Variants in DPT observed in about 807,000 individuals in gnomAD.
DPT encodes tyrosine-rich acidic matrix protein.
Under a neutral mutation model 31.2 loss-of-function variants are expected in DPT, and 21 were observed. That is an observed-to-expected ratio of 0.67 (90% confidence interval 0.48 to 0.97). The LOEUF is 0.97. DPT is among the 50% of genes least tolerant of loss of function. The pLI is 0.00. For synonymous variants in DPT, 91 were observed against 86.9 expected, an observed-to-expected ratio of 1.05 and a Z score of -0.26; for missense variants, 262 against 258.8, an observed-to-expected ratio of 1.01 and a Z score of -0.08.
intron 1 of DPT, among the ~76,000 whole-genome samples, chr1:168,727,817 G>A (rs925144136): frequency 1.3e-5 from 2 of 152,106 alleles, no homozygotes; most frequent in East Asian, 1.9e-4. Flanking sequence ...GGGATTACAG[G>A]CGTGAGCCAC....
At chr1:168,725,024 C>A (rs1481303210) in intron 1 of DPT, among the ~76,000 whole-genome samples, 2 of 152,194 alleles carry the variant, frequency 1.3e-5, no homozygotes, top group Admixed American at 1.3e-4. Flanking sequence ...TGCCCAACAT[C>A]AGCCACATCA....
chr1:168,702,463 C>G (rs936176223), intron 2 of DPT, among the ~76,000 whole-genome samples: 11 of 152,180 alleles, frequency 7.2e-5, no homozygotes, highest in Non-Finnish European at 1.2e-4. Flanking sequence ...TAATTATGCT[C>G]TATCAGGATG....
chr1:168,725,215 A>ATTCCATTCCTTTCCTTTCCTTTCCT (rs1650211491), intron 1 of DPT, among the ~76,000 whole-genome samples: 1 of 110,716 alleles, frequency 9.0e-6, no homozygotes, highest in Non-Finnish European at 1.8e-5. Context: ...TTTCCTTTCC[A>ATTCCATTCCTTTCCTTTCCTTTCCT]TTCCTTTCCT....
chr1:168,701,821 A>G (rs12746351), intron 2 of DPT, among the ~76,000 whole-genome samples: 4,362 of 152,338 alleles, frequency 0.029, 95 homozygotes, highest in African/African-American at 0.045. Flanking sequence ...AAGTCAATGA[A>G]TCTGTTTTCT....
Position 168,701,050 on chromosome 1 carries a change from C to T in DPT, c.506G>A (p.Arg169Gln), listed in dbSNP as rs770575918. The change falls in exon 3 of 4, where the codon CGA becomes CAA. Residue 169 changes from arginine (R) to glutamine (Q), a missense_variant. By Grantham distance (43) the Arg-to-Gln change is conservative. Coordinates refer to ENST00000367817, the MANE Select transcript of DPT (RefSeq NM_001937.5). ...TGCAGAGAAAGTGGTTGTTGCTCCT[C>T]GGATATAGTAATCATAATTGTAGGA... ...MISYNYDYYI[R>Q]GATTTFSAVE... The T allele has an allele frequency of 9.3e-6, 15 of 1,613,780 alleles. No individual in the cohort carries two copies. Among genetic ancestry groups the T allele is most frequent in the South Asian group, 4.4e-5 (4 of 91,044 alleles).
At chr1:168,706,251 G>T (rs1023411072) in intron 2 of DPT, among the ~76,000 whole-genome samples, 2 of 152,128 alleles carry the variant, frequency 1.3e-5, no homozygotes, top group Non-Finnish European at 2.9e-5. Context: ...TGCGGATTTG[G>T]TGTGTTGAGG....
intron 2 of DPT, among the ~76,000 whole-genome samples, chr1:168,702,076 CTTTGCCA>C (rs1453439958): frequency 1.3e-5 from 2 of 152,216 alleles, no homozygotes; most frequent in Non-Finnish European, 2.9e-5. Context: ...CTCATAAGGG[CTTTGCCA>C]CTGGAACCTT....
At chr1:168,714,097 T>C in intron 2 of DPT, 124 bp downstream of exon 2, 5 of 1,284,510 alleles carry the variant, frequency 3.9e-6, no homozygotes, top group East Asian at 5.0e-5. Context: ...TTCATTCTTG[T>C]CTATATGCCA....
At chr1:168,708,349 A>G (rs1412602389) in intron 2 of DPT, among the ~76,000 whole-genome samples, 1 of 152,136 alleles carries the variant, frequency 6.6e-6, no homozygotes, top group East Asian at 1.9e-4. Context: ...GGGATGATAG[A>G]TTTTGCTCAA....
Position 168,716,449 on chromosome 1 carries a change from T to C in DPT, c.306-2103A>G, listed in dbSNP as rs147857765. Among the ~76,000 whole-genome samples the C allele has an allele frequency of 7.4e-3, 1,131 of 152,092 alleles. 15 individuals carry two copies. Among genetic ancestry groups the C allele is most frequent in the African/African-American group, 0.025 (1,057 of 41,494 alleles). ...GGGCTCAGTAATGCAGGTTAAGGTG[T>C]AAATTGAGACCTATGGCTCTTTGAT... On this transcript the variant is annotated intron_variant, in intron 1 of 3. Coordinates refer to ENST00000367817, the MANE Select transcript of DPT (RefSeq NM_001937.5).
chr1:168,702,192 A>G (rs1391718441), intron 2 of DPT, among the ~76,000 whole-genome samples: 1 of 152,194 alleles, frequency 6.6e-6, no homozygotes, highest in Non-Finnish European at 1.5e-5. Context: ...GAGTGTCAAT[A>G]ATTTCATCTG....
rs199575275 is a variant in DPT at position 168,696,500 on chromosome 1, T to C, written c.*49A>G. 5 of 1,463,226 alleles carry C rather than the reference T, an allele frequency of 3.4e-6. No individual in the cohort carries two copies. The highest frequency in any genetic ancestry group is 1.2e-5 in the South Asian group (1 of 84,908). The allele number at this position is 1,463,226 out of a possible 1,614,324, so 90.6% of individuals were successfully genotyped here. A position where few individuals can be genotyped will look rare whatever the true frequency, so the allele number is the denominator to read the frequency against. ...CTGATGTTAACATATGTGGACACCC[T>C]CCTGTCCCCGGCCCCTTTCCTTTCA... is the stretch of plus-strand genomic sequence containing the variant. On this transcript the variant is annotated 3_prime_UTR_variant, in exon 4 of 4. Coordinates refer to ENST00000367817, the MANE Select transcript of DPT (RefSeq NM_001937.5).
chr1:168,725,254 T>TTTCCTTTCCTTTCCTTTC (rs1557852197), intron 1 of DPT, among the ~76,000 whole-genome samples: 31 of 33,844 alleles, frequency 9.2e-4, no homozygotes, highest in South Asian at 2.5e-3. Flanking sequence ...CTTTCCTTTC[T>TTTCCTTTCCTTTCCTTTC]CTTTCCCTTC....
chr1:168,699,396 A>C (rs906175000), intron 3 of DPT, among the ~76,000 whole-genome samples: 16 of 152,100 alleles, frequency 1.1e-4, no homozygotes, highest in African/African-American at 3.6e-4. Flanking sequence ...GTTTCATTCT[A>C]AGTAGTATAT....
chr1:168,728,771 C>A, intron 1 of DPT, 99 bp downstream of exon 1: 1 of 1,466,392 alleles, frequency 6.8e-7, no homozygotes. Flanking sequence ...TTTGCCCAGG[C>A]TTTGGTTACT....
rs1374819336 is a variant in DPT, at chr1:168,696,354, G to A, written c.*195C>T. On this transcript the variant is annotated 3_prime_UTR_variant, in exon 4 of 4. Transcript: ENST00000367817. Reference sequence around the variant, plus strand: ...AAACATGTGAAAAGTGAGAAACATGGTTTAATTGTGGATTTTATTAGAAGT... The same window carrying A: ...AAACATGTGAAAAGTGAGAAACATGATTTAATTGTGGATTTTATTAGAAGT... The A allele has an allele frequency of 6.8e-6, 4 of 589,748 alleles. No homozygotes were observed. Among genetic ancestry groups the A allele is most frequent in the Non-Finnish European group, 9.0e-6 (3 of 333,826 alleles). 36.5% of individuals were successfully genotyped at this position (589,748 alleles called of 1,614,324 possible).
rs1175580242 is a variant in DPT at position 168,729,056 on chromosome 1, T to G, written c.119A>C (p.Asn40Thr). The change falls in exon 1 of 4, where the codon AAT becomes ACT. Residue 40 changes from asparagine to threonine, a missense_variant. Physicochemically the swap from Asn to Thr is moderately conservative, Grantham distance 65. Coordinates refer to ENST00000367817, the MANE Select transcript of DPT (RefSeq NM_001937.5). Reference protein sequence around the residue: ...YHDYSDDGWVNLNRQGFSYQC... With the variant: ...YHDYSDDGWVTLNRQGFSYQC... ...GTAGCTGAAGCCTTGCCGGTTCAAA[T>G]TCACCCACCCATCATCGCTGTAGTC... 4.3e-6 allele frequency: 7 copies of G among 1,614,100 alleles called. No individual in the cohort carries two copies. In the Admixed American group the frequency reaches 1.2e-4, roughly 27 times the overall value.
chr1:168,714,846 C>T (rs1649943409), intron 1 of DPT, among the ~76,000 whole-genome samples: 1 of 152,254 alleles, frequency 6.6e-6, no homozygotes, highest in Admixed American at 6.5e-5. Context: ...CGTTCTGCCC[C>T]TGCACAGCAT....
At chr1:168,696,726 G>C in intron 3 of DPT, 111 bp from the exon 4 acceptor site, 1 of 954,238 alleles carries the variant, frequency 1.0e-6, no homozygotes, top group African/African-American at 1.6e-5. Flanking sequence ...GGAACTGAAG[G>C]GACACTTAAT....
Sources: gnomAD v4.1 joint callset for allele counts (sites outside exome capture counted in the v4.1 genomes callset) on GRCh38, gnomAD v4.1.1 for gene constraint, MANE v1.5 for transcripts, NCBI Gene and HGNC (gene_info 2026-07-23, HGNC 2026-07-21) for gene names.